The following PAM variants were observed in gnomAD, a reference collection of about 807,000 sequenced individuals.
PAM encodes the protein peptidyl-glycine alpha-amidating monooxygenase.
In PAM, 72 loss-of-function variants were observed where a neutral mutation model predicts 122.1. The observed-to-expected ratio is 0.59, with a 90% CI of 0.49 to 0.72. The LOEUF is 0.72. Ranked by LOEUF, PAM falls within the 30% of genes least tolerant of loss-of-function variation. The pLI, the probability that PAM is intolerant of heterozygous loss-of-function variation, is 0.00. For missense variants in PAM, 1,106 were observed against 1,183.7 expected (o/e 0.93, Z 0.96); for synonymous variants, 389 against 404.4 (o/e 0.96, Z 0.46).
intron 1 of PAM, among the ~76,000 whole-genome samples, chr5:102,789,599 C>G (rs1323244707): frequency 6.6e-6 from 1 of 152,004 alleles, no homozygotes; most frequent in African/African-American, 2.4e-5. Context: ...AGATTCAAGA[C>G]AGAAGATAGA....
intron 17 of PAM, among the ~76,000 whole-genome samples, chr5:103,003,675 G>A (rs545156919): frequency 1.8e-4 from 27 of 152,170 alleles, no homozygotes; most frequent in Non-Finnish European, 3.7e-4. Context: ...ATGTAGTCAA[G>A]CTTGTTACAT....
intron 1 of PAM, among the ~76,000 whole-genome samples, chr5:102,793,844 T>C (rs934946768): frequency 6.6e-6 from 1 of 152,232 alleles, no homozygotes; most frequent in African/African-American, 2.4e-5. Context: ...CTTTTATACT[T>C]AGAATAAAAA....
chr5:102,951,906 C>T (rs566307228), intron 12 of PAM, among the ~76,000 whole-genome samples: 4 of 151,850 alleles, frequency 2.6e-5, no homozygotes, highest in South Asian at 2.1e-4. Context: ...TTATGGGAAA[C>T]GATGATGGTA....
chr5:103,028,067 A>G, intron 24 of PAM, 118 bp from the exon 25 acceptor site: 2 of 765,284 alleles, frequency 2.6e-6, no homozygotes, highest in Non-Finnish European at 4.5e-6. Flanking sequence ...TTGCATACAG[A>G]CAAGAGCCAG....
chr5:102,761,927 C>T lies in PAM; in HGVS notation c.-374+6579C>T, dbSNP rs931802654. Among the ~76,000 whole-genome samples the T allele has an allele frequency of 2.8e-4, 42 of 152,296 alleles. 1 individual carries two copies. Among genetic ancestry groups the T allele is most frequent in the African/African-American group, 9.9e-4 (41 of 41,552 alleles). On this transcript the variant is annotated intron_variant, in intron 1 of 25. Transcript: ENST00000438793. ...ACAAATCCTTATTTTCATAGACATT[C>T]CTTTCAAATTCAGTGAATTCTGGGA...
chr5:102,981,061 A>G (rs76630462), intron 15 of PAM, among the ~76,000 whole-genome samples: 3,580 of 152,232 alleles, frequency 0.024, 140 homozygotes, highest in African/African-American at 0.082. Context: ...GGGTTCTAAT[A>G]TGTGACAAAT....
At chr5:102,775,328 TA>T (rs1756868630) in intron 1 of PAM, among the ~76,000 whole-genome samples, 1 of 152,110 alleles carries the variant, frequency 6.6e-6, no homozygotes, top group Non-Finnish European at 1.5e-5. Flanking sequence ...TTTAGAACTT[TA>T]TTTTTTTAAT....
chr5:102,802,198 T>C (rs919837490), intron 1 of PAM, among the ~76,000 whole-genome samples: 1 of 152,226 alleles, frequency 6.6e-6, no homozygotes, highest in African/African-American at 2.4e-5. Flanking sequence ...TTGGGACTTA[T>C]AATCAAAATT....
At chr5:103,002,119 A>G (rs1777581987) in intron 16 of PAM, among the ~76,000 whole-genome samples, 2 of 152,026 alleles carry the variant, frequency 1.3e-5, no homozygotes. Flanking sequence ...TCATACATTT[A>G]CTTCTATATT....
intron 23 of PAM, among the ~76,000 whole-genome samples, chr5:103,024,528 A>T (rs1352650313): frequency 6.6e-6 from 1 of 152,212 alleles, no homozygotes; most frequent in Non-Finnish European, 1.5e-5. Flanking sequence ...CCTAGCATTA[A>T]TGTGTGCAGC....
chr5:102,936,700 A>AT (rs954308311), intron 7 of PAM, among the ~76,000 whole-genome samples: 71 of 152,192 alleles, frequency 4.7e-4, no homozygotes, highest in African/African-American at 1.7e-3. Context: ...ATTGCTGCAC[A>AT]TTTTTGCCAG....
chr5:102,839,927 A>G (rs994054092), intron 1 of PAM, among the ~76,000 whole-genome samples: 1 of 152,180 alleles, frequency 6.6e-6, no homozygotes, highest in African/African-American at 2.4e-5. Flanking sequence ...AACATCATAT[A>G]TGATGCTGAA....
intron 12 of PAM, among the ~76,000 whole-genome samples, chr5:102,959,479 G>A (rs1296486034): frequency 1.3e-5 from 2 of 152,012 alleles, no homozygotes; most frequent in Non-Finnish European, 2.9e-5. Context: ...TTTTACCATT[G>A]TTAAGGAAAT....
At chr5:102,922,292 A>T (rs1345542082) in intron 5 of PAM, among the ~76,000 whole-genome samples, 3 of 152,110 alleles carry the variant, frequency 2.0e-5, no homozygotes, top group Non-Finnish European at 2.9e-5. Flanking sequence ...TGGAAGGTGG[A>T]TGGGGGTCGG....
At chr5:102,931,807 A>ACTCT (rs60775669) in intron 7 of PAM, among the ~76,000 whole-genome samples, 2,132 of 141,400 alleles carry the variant, frequency 0.015, 24 homozygotes, top group African/African-American at 0.026. Flanking sequence ...CAAACAACAC[A>ACTCT]CTCTCTCTCT....
chr5:102,891,837 C>T (rs1794871894), intron 3 of PAM, among the ~76,000 whole-genome samples: 1 of 151,828 alleles, frequency 6.6e-6, no homozygotes, highest in Non-Finnish European at 1.5e-5. Flanking sequence ...CAGGTCAATA[C>T]ATTGAAATGG....
chr5:102,947,413 G>T (rs77763555), intron 8 of PAM, among the ~76,000 whole-genome samples: 338 of 152,292 alleles, frequency 2.2e-3, no homozygotes, highest in African/African-American at 7.9e-3. Context: ...AAGTTACCGA[G>T]TAACTCAGGA....
chr5:102,951,307 G>C (rs1036990469), intron 12 of PAM, among the ~76,000 whole-genome samples: 1 of 151,846 alleles, frequency 6.6e-6, no homozygotes, highest in African/African-American at 2.4e-5. Context: ...AAAGAATGTT[G>C]AGCCTTTTAA....
At chr5:102,912,756 A>G (rs1801791486) in intron 4 of PAM, among the ~76,000 whole-genome samples, 1 of 151,930 alleles carries the variant, frequency 6.6e-6, no homozygotes, top group Non-Finnish European at 1.5e-5. Context: ...TTTTCTGGCC[A>G]TTCTCTCTTC....
Sources: gnomAD v4.1 joint callset for allele counts (sites outside exome capture counted in the v4.1 genomes callset) on GRCh38, gnomAD v4.1.1 for gene constraint, MANE v1.5 for transcripts, NCBI Gene and HGNC (gene_info 2026-07-23, HGNC 2026-07-21) for gene names.